EPHA2: variants seen among roughly 807,000 people sequenced by gnomAD.
EPHA2 encodes EPH receptor A2.
In EPHA2, 54 loss-of-function variants were observed where a neutral mutation model predicts 104.9. That is an observed-to-expected ratio of 0.51 (90% CI 0.41 to 0.65). The LOEUF is 0.65. Among genes scored for constraint, EPHA2 ranks in the 30% least tolerant of loss-of-function variants. The pLI is 0.00. For missense variants in EPHA2, 1,117 were observed against 1,369.5 expected (o/e 0.82, Z 2.91); for synonymous variants, 560 against 559.1 (o/e 1.00, Z -0.02).
Position 16,148,289 on chromosome 1 carries a change from A to G in EPHA2, c.823+89T>C. Reference sequence around the variant, plus strand: ...ACTAATGTGTGTCAAAGCAGGGATGAGCTTACCAAGATTCCATGATTCCAA... The same window carrying G: ...ACTAATGTGTGTCAAAGCAGGGATGGGCTTACCAAGATTCCATGATTCCAA... On this transcript the variant is annotated intron_variant, in intron 3 of 16. Coordinates refer to ENST00000358432, the MANE Select transcript of EPHA2 (RefSeq NM_004431.5). This position sits in a 1 kb window ranked among gnomAD's most constrained non-coding sequence, Gnocchi z 4.9. The G allele has an allele frequency of 2.0e-6, 3 of 1,530,210 alleles. No individual in the cohort carries two copies. Among genetic ancestry groups the G allele is most frequent in the Non-Finnish European group, 2.7e-6 (3 of 1,112,518 alleles). The allele number at this position is 1,530,210 out of a possible 1,614,324, so 94.8% of individuals were successfully genotyped here. A position where few individuals can be genotyped will look rare whatever the true frequency, so the allele number is the denominator to read the frequency against.
In EPHA2 at chr1:16,138,182, G is replaced by A. The variant is rs1391739346; in HGVS notation, c.983C>T (p.Pro328Leu). Reference protein sequence around the residue: ...QDPASMPCTRPPSAPHYLTAV... With the variant: ...QDPASMPCTRLPSAPHYLTAV... The stretch of plus-strand genomic sequence containing the variant: ...TGTGAGGTAGTGTGGGGCGGAGGGG[G>A]GTCCTGCACAGACAGGAGGAGTCAG... The change falls in exon 5 of 17, where the codon CCC becomes CTC. Residue 328 changes from proline to leucine, a missense_variant. Pro to Leu is a moderately conservative substitution (Grantham distance 98, BLOSUM62 -3). Around this residue, in one of 3 missense-constraint regions of EPHA2, gnomAD observed 664 missense variants for 784.8 expected, o/e 0.85. Transcript: ENST00000358432. The A allele has an allele frequency of 1.2e-6, 2 of 1,609,876 alleles. No individual in the cohort carries two copies. The highest frequency in any genetic ancestry group is 8.5e-7 in the Non-Finnish European group (1 of 1,179,898).
At chr1:16,126,682 C>T (rs2024474888) in intron 16 of EPHA2, among the ~76,000 whole-genome samples, 1 of 152,228 alleles carries the variant, frequency 6.6e-6, no homozygotes, top group Non-Finnish European at 1.5e-5. Flanking sequence ...AGCGCTCAGA[C>T]CACGGTGAAG....
intron 1 of EPHA2, among the ~76,000 whole-genome samples, chr1:16,154,963 C>G (rs866740070): frequency 9.2e-5 from 14 of 151,956 alleles, no homozygotes; most frequent in African/African-American, 3.4e-4. Flanking sequence ...TCGCCCTGAC[C>G]CTAGCGGAGG....
intron 1 of EPHA2, among the ~76,000 whole-genome samples, chr1:16,154,264 G>A (rs2025104435): frequency 6.6e-6 from 1 of 152,122 alleles, no homozygotes; most frequent in African/African-American, 2.4e-5. Context: ...CGGATATTGA[G>A]GGTGGCAGAA....
At position 16,148,899 on chromosome 1, in the gene EPHA2, G is replaced by A. The variant is rs371414588; in HGVS notation, c.302C>T (p.Thr101Ile). Residue 101 changes from threonine to isoleucine, a missense_variant, in exon 3 of 17, where the codon ACT (threonine) becomes ATT (isoleucine). Transcript: ENST00000358432. The surrounding 1 kb of genome is among the most constrained non-coding windows in gnomAD (Gnocchi z 4.9). Reference protein sequence around the residue: ...AERIFIELKFTVRDCNSFPGG... With the variant: ...AERIFIELKFIVRDCNSFPGG... ...AGGGAAGCTGTTGCAGTCACGTACA[G>A]TAAACTTGAGCTCAATGAAGATACG... 5.0e-6 allele frequency: 8 copies of A among 1,614,048 alleles called. No individual in the cohort carries two copies. Among genetic ancestry groups the A allele is most frequent in the African/African-American group, 2.7e-5 (2 of 74,946 alleles).
Position 16,133,615 on chromosome 1 carries a change from A to G in EPHA2, c.1739-9T>C. ...CAGGGGCTTCAGTTGTTCTGGAAGGAGAAGGGGTGGGGTCACAGGCAGCTC... is the reference window on the plus strand; with the variant it reads ...CAGGGGCTTCAGTTGTTCTGGAAGGGGAAGGGGTGGGGTCACAGGCAGCTC... On this transcript the variant is annotated splice_polypyrimidine_tract_variant and intron_variant, in intron 9 of 16. Coordinates refer to ENST00000358432, the MANE Select transcript of EPHA2 (RefSeq NM_004431.5). 2 of 1,613,742 alleles carry G rather than the reference A, an allele frequency of 1.2e-6. No homozygotes were observed. Among genetic ancestry groups the G allele is most frequent in the East Asian group, 4.5e-5 (2 of 44,872 alleles).
chr1:16,124,970 C>G lies in EPHA2; in HGVS notation c.*245G>C, dbSNP rs927631917. ...GGCTCCTGCTCCAGGGATGCTGGGA[C>G]GTGGCGGTGCCTGCTAAGTGCTCAG... On this transcript the variant is annotated 3_prime_UTR_variant, in exon 17 of 17. Coordinates refer to ENST00000358432, the MANE Select transcript of EPHA2 (RefSeq NM_004431.5). 1.9e-6 allele frequency: 1 copy of G among 534,072 alleles called. No individual in the cohort carries two copies. The highest frequency in any genetic ancestry group is 2.2e-5 in the South Asian group (1 of 46,322). 33.1% of individuals were successfully genotyped at this position (534,072 alleles called of 1,614,324 possible). A position where few individuals can be genotyped will look rare whatever the true frequency, so the allele number is the denominator to read the frequency against.
chr1:16,151,676 C>T (rs965905266), intron 1 of EPHA2, among the ~76,000 whole-genome samples: 5 of 152,192 alleles, frequency 3.3e-5, no homozygotes, highest in African/African-American at 1.2e-4. Flanking sequence ...AAGATACACA[C>T]AGCTGGTGAG....
At chr1:16,154,141 C>G (rs1180111854) in intron 1 of EPHA2, among the ~76,000 whole-genome samples, 1 of 152,064 alleles carries the variant, frequency 6.6e-6, no homozygotes, top group Non-Finnish European at 1.5e-5. Context: ...CCGCCTAATC[C>G]CCCACCCCCC....
chr1:16,134,450 G>A lies in EPHA2; in HGVS notation c.1682+18C>T, dbSNP rs368182963. The A allele has an allele frequency of 5.6e-6, 9 of 1,612,614 alleles. No homozygotes were observed. In the African/African-American group the frequency reaches 9.3e-5, roughly 17 times the overall value. On this transcript the variant is annotated intron_variant, in intron 8 of 16. Transcript: ENST00000358432. This position sits in a 1 kb window ranked among gnomAD's most constrained non-coding sequence, Gnocchi z 4.5. ...CCACCCAAGCCCATGTGGAGCCAGG[G>A]TATGGGCTCTGACGAACCTGCGGTG...
At position 16,133,203 on chromosome 1, in the gene EPHA2, C is replaced by A. The variant is rs145962326; in HGVS notation, c.2030G>T (p.Arg677Leu). The A allele has an allele frequency of 6.2e-7, 1 of 1,613,680 alleles. No individual in the cohort carries two copies. The highest frequency in any genetic ancestry group is 1.1e-5 in the South Asian group (1 of 91,090). Residue 677 changes from arginine (R) to leucine (L), a missense_variant, in exon 11 of 17, where the codon CGC (arginine) becomes CTC (leucine). Physicochemically the swap from Arg to Leu is moderately radical, Grantham distance 102. Coordinates refer to ENST00000358432, the MANE Select transcript of EPHA2 (RefSeq NM_004431.5). The stretch of plus-strand genomic sequence containing the variant: ...ACATTTGGAGATGACGCCCTCTAGG[C>A]GGATGATGTTGTGGTGGCTGAACTG... ...MGQFSHHNII[R>L]LEGVISKYKP...
rs369605778 is a variant in EPHA2 at position 16,137,892 on chromosome 1, G to A, written c.1273C>T (p.Arg425Cys). Residue 425 changes from arginine (R) to cysteine (C), a missense_variant, in exon 5 of 17, where the codon CGC becomes TGC. This residue lies in a region of EPHA2 where 664 missense variants were observed against 784.8 expected (regional missense o/e 0.85). Coordinates refer to ENST00000358432, the MANE Select transcript of EPHA2 (RefSeq NM_004431.5). ...CTGACACTGGCAGTACGGAAGCTGCGGCTGGTTACCAGGCCTGAGACGCCA... is the reference window on the plus strand; with the variant it reads ...CTGACACTGGCAGTACGGAAGCTGCAGCTGGTTACCAGGCCTGAGACGCCA... Reference protein sequence around the residue: ...RNGVSGLVTSRSFRTASVSIN... With the variant: ...RNGVSGLVTSCSFRTASVSIN... 15 of 1,613,788 alleles carry A rather than the reference G, an allele frequency of 9.3e-6. No homozygotes were observed. The Admixed American group carries it at 1.2e-4, about 13-fold the overall frequency.
At chr1:16,132,031 G>T in intron 13 of EPHA2, 33 bp downstream of exon 13, 9 of 1,613,526 alleles carry the variant, frequency 5.6e-6, no homozygotes, top group Non-Finnish European at 7.6e-6. Flanking sequence ...GGCGAAGGCC[G>T]CTTCTCCCTT....
In EPHA2 at chr1:16,134,505, G is replaced by GA. The variant is rs2024643113; in HGVS notation, c.1644dup (p.Leu549SerfsTer47). ...AAGAAGCCAACTCCTGCCAGCACCA[G>GA]AAGCAGGACCACACCGACAGCCACG... On this transcript the variant is annotated frameshift_variant, in exon 8 of 17. Coordinates refer to ENST00000358432, the MANE Select transcript of EPHA2 (RefSeq NM_004431.5). LOFTEE classifies it high-confidence loss of function. The surrounding 1 kb of genome is among the most constrained non-coding windows in gnomAD (Gnocchi z 4.5). 6.2e-7 allele frequency: 1 copy of GA among 1,614,002 alleles called. No homozygotes were observed. Among genetic ancestry groups the GA allele is most frequent in the South Asian group, 1.1e-5 (1 of 91,082 alleles).
chr1:16,144,922 T>C (rs767263526), intron 3 of EPHA2, among the ~76,000 whole-genome samples: 3 of 151,996 alleles, frequency 2.0e-5, no homozygotes, highest in Non-Finnish European at 4.4e-5. Flanking sequence ...GCCCTGCTTA[T>C]GAGATGTCCA....
At chr1:16,142,402 T>C (rs912993640) in intron 3 of EPHA2, among the ~76,000 whole-genome samples, 1 of 152,222 alleles carries the variant, frequency 6.6e-6, no homozygotes, top group Admixed American at 6.5e-5. Flanking sequence ...GACCAGCAGC[T>C]CCTGAGGAGC....
rs765981383 is a variant in EPHA2 at position 16,148,828 on chromosome 1, C to T, written c.373G>A (p.Glu125Lys). ...CKETFNLYYA[E>K]SDLDYGTNFQ... Reference sequence around the variant, plus strand: ...TTGGTGCCGTAGTCCAGGTCCGACTCGGCATAGTAGAGGTTGAAAGTCTCC... The same window carrying T: ...TTGGTGCCGTAGTCCAGGTCCGACTTGGCATAGTAGAGGTTGAAAGTCTCC... The change falls in exon 3 of 17, where the codon GAG becomes AAG. Residue 125 changes from glutamate to lysine, a missense_variant. Glu to Lys is a moderately conservative substitution (Grantham distance 56). Around this residue, in one of 3 missense-constraint regions of EPHA2, gnomAD observed 664 missense variants for 784.8 expected, o/e 0.85. Transcript: ENST00000358432. This position sits in a 1 kb window ranked among gnomAD's most constrained non-coding sequence, Gnocchi z 4.9. 1.2e-5 allele frequency: 19 copies of T among 1,614,000 alleles called. No individual in the cohort carries two copies. The highest frequency in any genetic ancestry group is 2.2e-5 in the South Asian group (2 of 91,092).
intron 8 of EPHA2, 41 bp from the exon 9 acceptor site, chr1:16,133,956 T>C (rs2024631459): frequency 6.5e-7 from 1 of 1,547,760 alleles, no homozygotes. Context: ...GGGAGGTCAG[T>C]GAGGTCTGCT....
intron 2 of EPHA2, among the ~76,000 whole-genome samples, chr1:16,149,509 C>T (rs566264362): frequency 1.1e-3 from 165 of 152,342 alleles, no homozygotes; most frequent in African/African-American, 3.9e-3. Flanking sequence ...ACCATGCACC[C>T]ATGTGTGTTG....
Sources: allele counts gnomAD v4.1 joint callset (sites outside exome capture counted in the v4.1 genomes callset), GRCh38; gene constraint gnomAD v4.1.1; regional missense constraint gnomAD v4.1.1; non-coding constraint Gnocchi (gnomAD v3.1); transcripts MANE v1.5; gene names NCBI Gene and HGNC (gene_info 2026-07-23, HGNC 2026-07-21).